Variants in ABCC4 observed in about 807,000 individuals in gnomAD.
The protein encoded by ABCC4 is ATP-binding cassette sub-family C member 4.
In ABCC4, 102 loss-of-function variants were observed where a neutral mutation model predicts 168.5. The ratio of observed to expected loss-of-function variants is 0.61; its 90% CI spans 0.52 to 0.71. ABCC4 has a LOEUF of 0.71. Ranked by LOEUF, ABCC4 falls within the 30% of genes least tolerant of loss-of-function variation. ABCC4 has a pLI of 0.00. For missense variants in ABCC4, 1,402 were observed against 1,605.8 expected (o/e 0.87, Z 2.17); for synonymous variants, 617 against 590.7 (o/e 1.04, Z -0.65).
chr13:95,029,231 G>T (rs2031739619), intron 30 of ABCC4, among the ~76,000 whole-genome samples: 5 of 20,548 alleles, frequency 2.4e-4, no homozygotes, highest in African/African-American at 7.2e-4. Flanking sequence ...GAGAGAGAGA[G>T]AGAGAGAGAG....
chr13:95,036,591 G>A (rs970314417), intron 29 of ABCC4, among the ~76,000 whole-genome samples: 15 of 151,940 alleles, frequency 9.9e-5, no homozygotes, highest in African/African-American at 3.6e-4. Context: ...AGATCATTTG[G>A]TCAAAATACT....
At chr13:95,052,535 C>T (rs1021904349) in intron 27 of ABCC4, among the ~76,000 whole-genome samples, 1 of 152,250 alleles carries the variant, frequency 6.6e-6, no homozygotes, top group Non-Finnish European at 1.5e-5. Context: ...CTCTAGAAAT[C>T]AACATATTAG....
chr13:95,079,072 G>A (rs2034004113), intron 21 of ABCC4, among the ~76,000 whole-genome samples: 2 of 152,152 alleles, frequency 1.3e-5, no homozygotes, highest in African/African-American at 4.8e-5. Flanking sequence ...TGTAACCTTT[G>A]AAAAGATAGT....
chr13:95,299,643 A>G (rs778746792), intron 1 of ABCC4, among the ~76,000 whole-genome samples: 3 of 152,076 alleles, frequency 2.0e-5, no homozygotes, highest in South Asian at 2.1e-4. Flanking sequence ...GCCCAAGACA[A>G]TTCTTCCAGT....
intron 30 of ABCC4, among the ~76,000 whole-genome samples, chr13:95,025,269 ACC>A (rs2031409915): frequency 6.0e-5 from 1 of 16,682 alleles, no homozygotes; most frequent in African/African-American, 3.4e-4. Flanking sequence ...ACACCCCCAC[ACC>A]CCCACACACA....
At chr13:95,083,751 G>A (rs113591676) in intron 20 of ABCC4, among the ~76,000 whole-genome samples, 2 of 151,960 alleles carry the variant, frequency 1.3e-5, no homozygotes, top group East Asian at 1.9e-4. Flanking sequence ...TCGAACTCCC[G>A]ATCTCAAGTG....
In ABCC4 at chr13:95,243,035, T is replaced by C. The variant is rs1043721246; in HGVS notation, c.306+3940A>G. On this transcript the variant is annotated intron_variant, in intron 3 of 30. Coordinates refer to ENST00000645237, the MANE Select transcript of ABCC4 (RefSeq NM_005845.5). ...CTAGTCACCATGATCCTCTAAAGAATAACTGACTACTGTCTAATTTTATAC... is the reference window on the plus strand; with the variant it reads ...CTAGTCACCATGATCCTCTAAAGAACAACTGACTACTGTCTAATTTTATAC... 6.6e-5 allele frequency among the ~76,000 whole-genome samples: 10 copies of C among 152,328 alleles called. 1 individual carries two copies. Among genetic ancestry groups the C allele is most frequent in the South Asian group, 4.1e-4 (2 of 4,820 alleles).
At chr13:95,129,424 A>C (rs745964907) in intron 19 of ABCC4, among the ~76,000 whole-genome samples, 1 of 152,146 alleles carries the variant, frequency 6.6e-6, no homozygotes, top group Non-Finnish European at 1.5e-5. Flanking sequence ...TTTGTGTATT[A>C]TTTTTTCAGA....
intron 4 of ABCC4, among the ~76,000 whole-genome samples, chr13:95,214,229 A>G (rs1301005406): frequency 1.3e-5 from 2 of 152,226 alleles, no homozygotes; most frequent in Non-Finnish European, 2.9e-5. Flanking sequence ...ATAGTTTACA[A>G]CTGAAATCTG....
intron 30 of ABCC4, among the ~76,000 whole-genome samples, chr13:95,028,331 T>C (rs1014748294): frequency 3.3e-4 from 50 of 152,164 alleles, no homozygotes; most frequent in Non-Finnish European, 7.3e-5. Flanking sequence ...GATAACACCA[T>C]CTTTTCAATG....
chr13:95,120,491 G>A (rs891820402), intron 19 of ABCC4, among the ~76,000 whole-genome samples: 7 of 151,122 alleles, frequency 4.6e-5, no homozygotes, highest in Non-Finnish European at 8.8e-5. Flanking sequence ...GCTTGAGCTC[G>A]GGAGGCGGAG....
chr13:95,152,792 T>C (rs904406950), intron 19 of ABCC4, among the ~76,000 whole-genome samples: 1 of 152,166 alleles, frequency 6.6e-6, no homozygotes, highest in East Asian at 1.9e-4. Flanking sequence ...AAATCAGTTC[T>C]CATATAAAAC....
intron 19 of ABCC4, among the ~76,000 whole-genome samples, chr13:95,135,347 G>A (rs758843445): frequency 1.3e-4 from 19 of 151,510 alleles, no homozygotes; most frequent in Non-Finnish European, 1.6e-4. Context: ...AAAGTTTTCC[G>A]TGAAACTAAA....
intron 20 of ABCC4, 125 bp downstream of exon 20, chr13:95,115,797 C>T (rs753079791): frequency 8.0e-6 from 6 of 750,218 alleles, no homozygotes; most frequent in Non-Finnish European, 1.4e-5. Flanking sequence ...AAACATGGCC[C>T]TTTATTAAGT....
intron 20 of ABCC4, among the ~76,000 whole-genome samples, chr13:95,084,698 T>A (rs1474451823): frequency 6.6e-6 from 1 of 152,198 alleles, no homozygotes; most frequent in African/African-American, 2.4e-5. Context: ...AGGAGAGTAT[T>A]TCAAACGTCT....
chr13:95,134,540 G>A (rs1456724744), intron 19 of ABCC4, among the ~76,000 whole-genome samples: 2 of 152,052 alleles, frequency 1.3e-5, no homozygotes, highest in Non-Finnish European at 2.9e-5. Context: ...GGACAACAGG[G>A]CAAAACTCTA....
At chr13:95,258,680 G>T (rs373114670) in intron 1 of ABCC4, among the ~76,000 whole-genome samples, 2 of 152,030 alleles carry the variant, frequency 1.3e-5, no homozygotes, top group African/African-American at 4.8e-5. Flanking sequence ...CGGGGTGAAC[G>T]AGTGAGTGAC....
At chr13:95,044,804 A>T (rs2032509072) in intron 27 of ABCC4, among the ~76,000 whole-genome samples, 1 of 152,224 alleles carries the variant, frequency 6.6e-6, no homozygotes. Flanking sequence ...GATAAAAAAA[A>T]TTCCCTTCTT....
At chr13:95,221,064 A>C (rs2138713832) in intron 4 of ABCC4, among the ~76,000 whole-genome samples, 1 of 152,352 alleles carries the variant, frequency 6.6e-6, no homozygotes, top group South Asian at 2.1e-4. Flanking sequence ...ACCTGAGGAC[A>C]TGATGCGAAG....
Sources: allele counts gnomAD v4.1 joint callset (sites outside exome capture counted in the v4.1 genomes callset), GRCh38; gene constraint gnomAD v4.1.1; transcripts MANE v1.5; gene names NCBI Gene and HGNC (gene_info 2026-07-23, HGNC 2026-07-21).